The following KALRN variants were observed in gnomAD, a reference collection of about 807,000 sequenced individuals.
The protein encoded by KALRN is kalirin.
Under a neutral mutation model 353.7 loss-of-function variants are expected in KALRN, and 70 were observed. The ratio of observed to expected loss-of-function variants is 0.20; its 90% CI spans 0.16 to 0.24. The LOEUF is 0.24. KALRN is among the 10% of genes least tolerant of loss of function. The pLI is 1.00. For synonymous variants in KALRN, 1,391 were observed against 1,434.8 expected (o/e 0.97, Z 0.69); for missense variants, 2,791 against 3,756.7 (o/e 0.74, Z 6.72).
intron 17 of KALRN, among the ~76,000 whole-genome samples, chr3:124,434,800 T>A (rs1253990712): frequency 6.6e-6 from 1 of 152,220 alleles, no homozygotes; most frequent in Non-Finnish European, 1.5e-5. Context: ...AATGCTAGAT[T>A]TGGGCAGTAT....
chr3:124,508,888 C>T (rs190119109), intron 33 of KALRN, among the ~76,000 whole-genome samples: 41 of 152,204 alleles, frequency 2.7e-4, no homozygotes, highest in Admixed American at 2.4e-3. Context: ...GGCTTTAATT[C>T]GTGTTTCCCT....
intron 25 of KALRN, among the ~76,000 whole-genome samples, chr3:124,471,257 T>G (rs2060863800): frequency 4.5e-5 from 1 of 22,178 alleles, no homozygotes; most frequent in Non-Finnish European, 6.8e-5. Context: ...CCACAAAGTT[T>G]TATTATTATT....
chr3:124,062,740 G>A (rs1372744987), intron 1 of KALRN, among the ~76,000 whole-genome samples: 1 of 152,166 alleles, frequency 6.6e-6, no homozygotes, highest in East Asian at 1.9e-4. Flanking sequence ...TACTGTGAAA[G>A]GAAGCTAGTT....
Position 124,609,721 on chromosome 3 carries a change from C to T in KALRN, c.5183-22699C>T, listed in dbSNP as rs78989953. ...AGGCCTCACAGCCATTGCTGTATTA[C>T]AACACAATACTGTTCACTGCCATTT... On this transcript the variant is annotated intron_variant, in intron 34 of 59. Transcript: ENST00000682506. Among the ~76,000 whole-genome samples the T allele has an allele frequency of 5.4e-3, 823 of 152,318 alleles. 3 individuals are homozygous for T. Among genetic ancestry groups the T allele is most frequent in the South Asian group, 9.7e-3 (47 of 4,826 alleles).
chr3:124,278,013 T>C (rs2074944232), intron 5 of KALRN, among the ~76,000 whole-genome samples: 1 of 151,776 alleles, frequency 6.6e-6, no homozygotes, highest in Admixed American at 6.6e-5. Context: ...TGTGTGTGTG[T>C]GTGTGTGTGT....
rs765372565 is a variant in KALRN at position 124,719,173 on chromosome 3, A to G, written c.8664A>G (p.Thr2888=). The change falls in exon 60 of 60, where the codon ACA becomes ACG. Residue 2888 remains threonine (T), a synonymous_variant. Transcript: ENST00000682506. The surrounding 1 kb of genome is among the most constrained non-coding windows in gnomAD (Gnocchi z 5.3). Reference sequence around the variant, plus strand: ...TCTTGGATGAGAGCAAAGAGGAGACATGTATCAACGTATGCAGGGTGGATT... The same window carrying G: ...TCTTGGATGAGAGCAAAGAGGAGACGTGTATCAACGTATGCAGGGTGGATT... ...SPFLDESKEE[T]CINVCRVDFS... The G allele has an allele frequency of 5.0e-6, 8 of 1,614,250 alleles. No individual in the cohort carries two copies. Among genetic ancestry groups the G allele is most frequent in the Non-Finnish European group, 6.8e-6 (8 of 1,180,026 alleles).
At chr3:124,639,056 C>T (rs1189525074) in intron 37 of KALRN, among the ~76,000 whole-genome samples, 1 of 152,152 alleles carries the variant, frequency 6.6e-6, no homozygotes, top group Non-Finnish European at 1.5e-5. Flanking sequence ...ACCTTTCCAC[C>T]ATCTAGTTAT....
At chr3:124,693,882 T>C in intron 52 of KALRN, 51 bp downstream of exon 52, 1 of 1,346,662 alleles carries the variant, frequency 7.4e-7, no homozygotes, top group Non-Finnish European at 1.0e-6. Context: ...TTAAATAAAT[T>C]ATAGTTAATC....
intron 5 of KALRN, among the ~76,000 whole-genome samples, chr3:124,294,296 A>C (rs2076659250): frequency 1.3e-5 from 2 of 152,034 alleles, no homozygotes; most frequent in African/African-American, 4.8e-5. Flanking sequence ...TCCCCAAAGC[A>C]TGGCTCAGTG....
At chr3:124,654,415 G>A (rs2083765883) in intron 38 of KALRN, among the ~76,000 whole-genome samples, 1 of 152,160 alleles carries the variant, frequency 6.6e-6, no homozygotes, top group Non-Finnish European at 1.5e-5. Flanking sequence ...GTTAAAAATG[G>A]TTACCACCCT....
intron 1 of KALRN, among the ~76,000 whole-genome samples, chr3:124,181,088 A>AAAAAAAG (rs2073523909): frequency 6.7e-6 from 1 of 149,318 alleles, no homozygotes; most frequent in Non-Finnish European, 1.5e-5. Flanking sequence ...AAAAAAAAAA[A>AAAAAAAG]AAAAAAAAAA....
At chr3:124,426,324 G>A (rs2093017809) in intron 15 of KALRN, among the ~76,000 whole-genome samples, 1 of 152,104 alleles carries the variant, frequency 6.6e-6, no homozygotes, top group African/African-American at 2.4e-5. Context: ...TAGCTTGAGA[G>A]TCTCTTTTGA....
rs750769003 is a variant in KALRN at position 124,490,695 on chromosome 3, G to A, written c.4398G>A (p.Gly1466=). ...AGGGTGGAAATGGATGTTTTTCAGG[G>A]TTCGACGAGAACCTGGATGTGCAGG... ...NDAMHVSMLE[G]FDENLDVQGE... Residue 1466 remains glycine (G), a splice_region_variant and synonymous_variant, in exon 30 of 60, where the codon GGG becomes GGA. Coordinates refer to ENST00000682506, the MANE Select transcript of KALRN (RefSeq NM_001388419.1). 6.2e-7 allele frequency: 1 copy of A among 1,612,058 alleles called. No individual in the cohort carries two copies. Among genetic ancestry groups the A allele is most frequent in the Admixed American group, 1.7e-5 (1 of 59,982 alleles).
chr3:124,544,236 C>A (rs1014011514), intron 33 of KALRN, among the ~76,000 whole-genome samples: 1 of 152,136 alleles, frequency 6.6e-6, no homozygotes, highest in East Asian at 1.9e-4. Context: ...CTTTTCATAT[C>A]CTTTCCTTGC....
chr3:124,398,628 C>A, intron 12 of KALRN, 69 bp from the exon 13 acceptor site: 1 of 1,461,264 alleles, frequency 6.8e-7, no homozygotes, highest in Non-Finnish European at 9.6e-7. Context: ...AGGAAGATCC[C>A]CCTCCTCCTC....
intron 4 of KALRN, 89 bp downstream of exon 4, chr3:124,264,779 A>T (rs1648367707): frequency 9.2e-7 from 1 of 1,092,136 alleles, no homozygotes; most frequent in Admixed American, 2.0e-5. Context: ...TATCTACCAT[A>T]CAGTATGTGA....
chr3:124,170,516 A>G (rs919301879), intron 1 of KALRN, among the ~76,000 whole-genome samples: 4 of 152,166 alleles, frequency 2.6e-5, no homozygotes, highest in Admixed American at 2.0e-4. Context: ...GAGCCCCTAA[A>G]TGTCAGGTTA....
At chr3:124,672,138 G>A (rs148612821) in intron 48 of KALRN, among the ~76,000 whole-genome samples, 1 of 152,080 alleles carries the variant, frequency 6.6e-6, no homozygotes, top group African/African-American at 2.4e-5. Flanking sequence ...AGTACAGATG[G>A]GGTTTCACCA....
At chr3:124,327,488 G>C (rs750892824) in intron 7 of KALRN, among the ~76,000 whole-genome samples, 2 of 152,146 alleles carry the variant, frequency 1.3e-5, no homozygotes, top group Non-Finnish European at 2.9e-5. Flanking sequence ...ATACAATACA[G>C]AGTATTGTAT....
Sources: gnomAD v4.1 joint callset for allele counts (sites outside exome capture counted in the v4.1 genomes callset) on GRCh38, gnomAD v4.1.1 for gene constraint, Gnocchi (gnomAD v3.1) non-coding constraint, MANE v1.5 for transcripts, NCBI Gene and HGNC (gene_info 2026-07-23, HGNC 2026-07-21) for gene names.